USP20: variants seen among roughly 807,000 people sequenced by gnomAD.
USP20 encodes ubiquitin carboxyl-terminal hydrolase 20.
A neutral mutation model predicts 124.2 loss-of-function variants in USP20; 80 were observed. The ratio of observed to expected loss-of-function variants is 0.64; its 90% CI spans 0.54 to 0.78. The LOEUF (loss-of-function observed/expected upper bound fraction) is 0.78. USP20 is among the 30% of genes least tolerant of loss of function. USP20 has a pLI of 0.00. For synonymous variants in USP20, 481 were observed against 512.3 expected (o/e 0.94, Z 0.83); for missense variants, 1,043 against 1,244.4 (o/e 0.84, Z 2.44).
intron 10 of USP20, 137 bp from the exon 11 acceptor site, chr9:129,867,868 G>A: frequency 9.5e-7 from 1 of 1,047,716 alleles, no homozygotes; most frequent in East Asian, 2.6e-5. Flanking sequence ...GCCGCTGTGG[G>A]GGTGAGCAAC....
At chr9:129,863,034 TAGG>T in intron 8 of USP20, 149 bp from the exon 9 acceptor site, 2 of 450,822 alleles carry the variant, frequency 4.4e-6, no homozygotes. Context: ...TCATAACTGG[TAGG>T]AGCCTTCTAG....
chr9:129,835,884 A>G (rs956507925), intron 1 of USP20: 6 of 152,200 alleles, frequency 3.9e-5, no homozygotes, highest in African/African-American at 1.2e-4. Flanking sequence ...TTCTTTCGGA[A>G]CAAAAGATGA....
Position 129,874,565 on chromosome 9 carries a change from T to C in USP20, c.1741-11T>C, listed in dbSNP as rs1371546222. ...CTTCCTAGATGACCGGCGCTCTCTC[T>C]GTCCCCGCAGATCCTGTGCATTCAC... is the stretch of plus-strand genomic sequence containing the variant. On this transcript the variant is annotated splice_polypyrimidine_tract_variant and intron_variant, in intron 17 of 25. Coordinates refer to ENST00000372429, the MANE Select transcript of USP20 (RefSeq NM_001110303.4). The C allele has an allele frequency of 3.1e-6, 5 of 1,612,208 alleles. No homozygotes were observed. Among genetic ancestry groups the C allele is most frequent in the Non-Finnish European group, 4.2e-6 (5 of 1,178,888 alleles).
intron 24 of USP20, 92 bp from the exon 25 acceptor site, chr9:129,880,020 CG>C: frequency 6.8e-7 from 1 of 1,479,876 alleles, no homozygotes; most frequent in Non-Finnish European, 9.1e-7. Context: ...CTTCCCGCTT[CG>C]GGGCCTGGCC....
At chr9:129,865,404 G>A in intron 10 of USP20, 23 bp downstream of exon 10, 2 of 1,613,854 alleles carry the variant, frequency 1.2e-6, no homozygotes, top group Non-Finnish European at 1.7e-6. Context: ...AGCTGCCCAG[G>A]GGACACCCAA....
At chr9:129,847,299 CTTTTTTTTTT>C (rs35098457) in intron 1 of USP20, among the ~76,000 whole-genome samples, 1 of 130,868 alleles carries the variant, frequency 7.6e-6, no homozygotes, top group African/African-American at 2.9e-5. Flanking sequence ...ACAGCCAACA[CTTTTTTTTTT>C]TTTTTTTTTT....
intron 1 of USP20, among the ~76,000 whole-genome samples, chr9:129,846,232 T>TAC (rs2032538417): frequency 2.6e-5 from 1 of 38,036 alleles, no homozygotes; most frequent in Non-Finnish European, 5.4e-5. Flanking sequence ...CCCAGCCATA[T>TAC]ATATATATAT....
At chr9:129,860,384 T>TAACC (rs2033479066) in intron 6 of USP20, among the ~76,000 whole-genome samples, 1 of 151,824 alleles carries the variant, frequency 6.6e-6, no homozygotes. Flanking sequence ...TAACAGCAGT[T>TAACC]CTCTCAGGAA....
At chr9:129,875,152 G>A (rs2034328034) in intron 19 of USP20, among the ~76,000 whole-genome samples, 158 bp from the exon 20 acceptor site, 1 of 152,200 alleles carries the variant, frequency 6.6e-6, no homozygotes, top group African/African-American at 2.4e-5. Flanking sequence ...GGCCCTGGCT[G>A]GCGGCACAGG....
rs368766492 is a variant in USP20, at chr9:129,880,234, C to T, written c.2706C>T (p.His902=). Residue 902 remains histidine, a synonymous_variant, in exon 25 of 26, where the codon CAC becomes CAT. Transcript: ENST00000372429. ...VAQPLGPENL[H]GEQKIEAETR... ...AGCCGCTGGGCCCAGAGAACCTGCACGGGGAGCAGAAGATCGAAGCCGAGA... is the reference window on the plus strand; with the variant it reads ...AGCCGCTGGGCCCAGAGAACCTGCATGGGGAGCAGAAGATCGAAGCCGAGA... 49 of 1,612,402 alleles carry T rather than the reference C, an allele frequency of 3.0e-5. No individual in the cohort carries two copies. The highest frequency in any genetic ancestry group is 1.7e-4 in the Middle Eastern group (1 of 6,060).
At chr9:129,858,174 C>G in intron 5 of USP20, 62 bp downstream of exon 5, 1 of 1,521,210 alleles carries the variant, frequency 6.6e-7, no homozygotes, top group Non-Finnish European at 9.1e-7. Context: ...CAAACCCCAG[C>G]TCCACCTTCC....
Position 129,879,806 on chromosome 9 carries a change from G to T in USP20, c.2584+162G>T, listed in dbSNP as rs1037680822. 6.6e-6 allele frequency among the ~76,000 whole-genome samples: 1 copy of T among 152,082 alleles called. No homozygotes were observed. Among genetic ancestry groups the T allele is most frequent in the Non-Finnish European group, 1.5e-5 (1 of 68,028 alleles). On this transcript the variant is annotated intron_variant, in intron 24 of 25. Transcript: ENST00000372429. The surrounding 1 kb of genome is among the most constrained non-coding windows in gnomAD (Gnocchi z 4.2). ...CAGGCGGCTGAGAGATGGCCCAAGG[G>T]GCTTGGTCTCTGCTTGTGTCCTCCA...
intron 3 of USP20, among the ~76,000 whole-genome samples, chr9:129,854,646 G>GAA (rs11428531): frequency 5.9e-5 from 9 of 151,744 alleles, no homozygotes; most frequent in Non-Finnish European, 1.2e-4. Flanking sequence ...AACTGAAATG[G>GAA]AAAAAAAACT....
chr9:129,852,477 ACCTCCCCACCT>A (rs1270597024), intron 2 of USP20, 52 bp from the exon 3 acceptor site: 1 of 1,459,684 alleles, frequency 6.9e-7, no homozygotes, highest in Non-Finnish European at 9.4e-7. Flanking sequence ...TTAACCACTC[ACCTCCCCACCT>A]CCTGCCAACA....
chr9:129,863,018 A>G (rs1251477000), intron 8 of USP20, among the ~76,000 whole-genome samples, 168 bp from the exon 9 acceptor site: 1 of 152,116 alleles, frequency 6.6e-6, no homozygotes, highest in Non-Finnish European at 1.5e-5. Flanking sequence ...GGAGGATACA[A>G]TTTTCTCATA....
intron 1 of USP20, among the ~76,000 whole-genome samples, chr9:129,848,650 C>CAAAAA (rs3054848): frequency 9.1e-5 from 12 of 131,974 alleles, no homozygotes; most frequent in African/African-American, 3.4e-4. Flanking sequence ...GAGACTATCT[C>CAAAAA]AAAAAAAAAA....
At chr9:129,844,553 A>G (rs2032420551) in intron 1 of USP20, among the ~76,000 whole-genome samples, 1 of 146,142 alleles carries the variant, frequency 6.8e-6, no homozygotes, top group South Asian at 2.2e-4. Flanking sequence ...TTGAACCTGA[A>G]GTGGAGAGTG....
At chr9:129,873,176 C>T (rs1387251190) in intron 15 of USP20, among the ~76,000 whole-genome samples, 1 of 150,570 alleles carries the variant, frequency 6.6e-6, no homozygotes, top group Non-Finnish European at 1.5e-5. Flanking sequence ...CCGAGCCCCC[C>T]AGGTTCGAGC....
chr9:129,866,518 A>G (rs2131079249), intron 10 of USP20, among the ~76,000 whole-genome samples: 1 of 152,326 alleles, frequency 6.6e-6, no homozygotes, highest in African/African-American at 2.4e-5. Flanking sequence ...ATTCAGGCCT[A>G]CCTGAGCCCA....
Sources: gnomAD v4.1 joint callset for allele counts (sites outside exome capture counted in the v4.1 genomes callset) on GRCh38, gnomAD v4.1.1 for gene constraint, Gnocchi (gnomAD v3.1) non-coding constraint, MANE v1.5 for transcripts, NCBI Gene and HGNC (gene_info 2026-07-23, HGNC 2026-07-21) for gene names.